IL1RAPL2: variants seen among roughly 807,000 people sequenced by gnomAD.
IL1RAPL2 encodes interleukin 1 receptor accessory protein like 2.
IL1RAPL2 carries 3 observed loss-of-function variants against 44.1 expected under a neutral mutation model. That is an observed-to-expected ratio of 0.07 (90% CI 0.03 to 0.18). The LOEUF is 0.18. Ranked by LOEUF, IL1RAPL2 falls within the 10% of genes least tolerant of loss-of-function variation. The pLI, the probability that IL1RAPL2 is intolerant of heterozygous loss-of-function variation, is 1.00. For missense variants in IL1RAPL2, 391 were observed against 496.4 expected (o/e 0.79, Z 2.02); for synonymous variants, 181 against 178.8 (o/e 1.01, Z -0.10).
At position 105,593,600 on chromosome X, in the gene IL1RAPL2, C is replaced by T. The variant is rs181882958; in HGVS notation, c.772+109213C>T. Among the ~76,000 whole-genome samples the T allele has an allele frequency of 1.1e-3, 122 of 109,726 alleles. 1 individual carries two copies. The highest frequency in any genetic ancestry group is 3.3e-3 in the African/African-American group (99 of 30,242). ...CTGTCCTTTGGATGGATTTTTTTTT[C>T]GCTTTTATATTCTTTGATACCATTG... On this transcript the variant is annotated intron_variant, in intron 6 of 10. Coordinates refer to ENST00000372582, the MANE Select transcript of IL1RAPL2 (RefSeq NM_017416.2).
chrX:105,071,994 A>T (rs2032213661), intron 2 of IL1RAPL2, among the ~76,000 whole-genome samples: 1 of 112,036 alleles, frequency 8.9e-6, no homozygotes, highest in African/African-American at 3.2e-5. Context: ...AAACACAGGC[A>T]ACTGATATAG....
At chrX:105,457,183 A>G (rs1302020119) in intron 5 of IL1RAPL2, among the ~76,000 whole-genome samples, 3 of 111,077 alleles carry the variant, frequency 2.7e-5, no homozygotes, top group Non-Finnish European at 1.9e-5. Context: ...TGTCATGAAT[A>G]TCACATTTAT....
intron 2 of IL1RAPL2, among the ~76,000 whole-genome samples, chrX:104,893,567 T>G (rs947126750): frequency 3.9e-4 from 44 of 111,583 alleles, no homozygotes; most frequent in Non-Finnish European, 7.7e-4. Flanking sequence ...CTTTTGATCT[T>G]TGTTGGTTTA....
chrX:105,263,957 A>G (rs1233570357), intron 4 of IL1RAPL2, among the ~76,000 whole-genome samples: 1 of 111,674 alleles, frequency 9.0e-6, no homozygotes, highest in Admixed American at 9.5e-5. Flanking sequence ...TCAGACAACC[A>G]TCTTGAGACT....
intron 2 of IL1RAPL2, among the ~76,000 whole-genome samples, chrX:104,941,281 G>A (rs1229081587): frequency 9.0e-6 from 1 of 111,499 alleles, no homozygotes; most frequent in African/African-American, 3.3e-5. Context: ...TCGCCACACT[G>A]TCTTCCACAA....
intron 5 of IL1RAPL2, among the ~76,000 whole-genome samples, chrX:105,459,877 A>G (rs774106834): frequency 2.1e-4 from 24 of 111,785 alleles, no homozygotes; most frequent in Non-Finnish European, 4.1e-4. Flanking sequence ...AATATATACT[A>G]ACTACATTTC....
intron 5 of IL1RAPL2, among the ~76,000 whole-genome samples, chrX:105,468,072 A>C (rs887933154): frequency 8.9e-6 from 1 of 111,925 alleles, no homozygotes; most frequent in African/African-American, 3.2e-5. Context: ...AATGGTTGAG[A>C]TATGACAGAA....
At chrX:105,085,468 A>G (rs769995624) in intron 2 of IL1RAPL2, among the ~76,000 whole-genome samples, 8 of 112,441 alleles carry the variant, frequency 7.1e-5, no homozygotes, top group Admixed American at 5.7e-4. Context: ...TAAAACCACA[A>G]TGAGATATCA....
chrX:105,584,236 C>T (rs940879871), intron 6 of IL1RAPL2, among the ~76,000 whole-genome samples: 3 of 111,563 alleles, frequency 2.7e-5, no homozygotes, highest in African/African-American at 9.8e-5. Flanking sequence ...ATTTGTCTAT[C>T]TCTCTTTTCC....
intron 6 of IL1RAPL2, among the ~76,000 whole-genome samples, chrX:105,571,830 T>C (rs1375779987): frequency 9.0e-6 from 1 of 110,800 alleles, no homozygotes; most frequent in Admixed American, 9.7e-5. Flanking sequence ...TACTAATTGG[T>C]AATTTGATGG....
At chrX:104,950,088 A>G (rs183817166) in intron 2 of IL1RAPL2, among the ~76,000 whole-genome samples, 1 of 111,410 alleles carries the variant, frequency 9.0e-6, no homozygotes, top group East Asian at 2.8e-4. Context: ...GACTTGCTTT[A>G]TGAATCTGGG....
At chrX:104,893,755 G>A (rs775647616) in intron 2 of IL1RAPL2, among the ~76,000 whole-genome samples, 24 of 111,791 alleles carry the variant, frequency 2.1e-4, no homozygotes, top group African/African-American at 7.8e-4. Flanking sequence ...GCCAGTCTGT[G>A]TCTTTTAATG....
chrX:105,488,691 A>C (rs780085985), intron 6 of IL1RAPL2, among the ~76,000 whole-genome samples: 1 of 112,117 alleles, frequency 8.9e-6, no homozygotes, highest in Non-Finnish European at 1.9e-5. Flanking sequence ...ACGTTTTAGG[A>C]AATACTTGAG....
At chrX:104,918,241 G>T (rs1191998257) in intron 2 of IL1RAPL2, among the ~76,000 whole-genome samples, 3 of 111,432 alleles carry the variant, frequency 2.7e-5, no homozygotes, top group Non-Finnish European at 5.7e-5. Context: ...TCAAACCAGA[G>T]TTCCAGGTTT....
chrX:105,105,612 C>A (rs938610019), intron 2 of IL1RAPL2, among the ~76,000 whole-genome samples: 1 of 112,332 alleles, frequency 8.9e-6, no homozygotes, highest in Admixed American at 9.4e-5. Context: ...GTTACATAGT[C>A]TTTTATGACA....
Position 105,604,338 on chromosome X carries a change from A to G in IL1RAPL2, c.773-113029A>G, listed in dbSNP as rs772837141. 8.1e-5 allele frequency among the ~76,000 whole-genome samples: 9 copies of G among 111,363 alleles called. No homozygotes were observed. The South Asian group carries it at 3.4e-3, about 42-fold the overall frequency. On this transcript the variant is annotated intron_variant, in intron 6 of 10. Coordinates refer to ENST00000372582, the MANE Select transcript of IL1RAPL2 (RefSeq NM_017416.2). ...AGGCATTAAAACTTATACCACACAA[A>G]TGCAAAAGATTATTAGCAACAATTA... is the stretch of plus-strand genomic sequence containing the variant.
intron 1 of IL1RAPL2, among the ~76,000 whole-genome samples, chrX:104,637,670 C>T (rs781245925): frequency 6.3e-5 from 7 of 110,730 alleles, no homozygotes; most frequent in South Asian, 3.9e-4. Context: ...TCTCACTTGA[C>T]GATGATGTAT....
chrX:104,734,337 C>A (rs1931975779), intron 2 of IL1RAPL2, among the ~76,000 whole-genome samples: 1 of 112,327 alleles, frequency 8.9e-6, no homozygotes, highest in South Asian at 3.6e-4. Flanking sequence ...ACACACAAAC[C>A]TGCATATGAA....
intron 6 of IL1RAPL2, among the ~76,000 whole-genome samples, chrX:105,668,420 G>A (rs2037789187): frequency 8.9e-6 from 1 of 112,558 alleles, no homozygotes; most frequent in Non-Finnish European, 1.9e-5. Flanking sequence ...TATAATAGGG[G>A]AGGGTTGTCA....
Sources: allele counts gnomAD v4.1 joint callset (sites outside exome capture counted in the v4.1 genomes callset), GRCh38; gene constraint gnomAD v4.1.1; transcripts MANE v1.5; gene names NCBI Gene and HGNC (gene_info 2026-07-23, HGNC 2026-07-21).